The following DENND1B variants were observed in gnomAD, a reference collection of about 807,000 sequenced individuals.
DENND1B encodes the protein DENN domain containing 1B.
Under a neutral mutation model 90.1 loss-of-function variants are expected in DENND1B, and 59 were observed. The ratio of observed to expected loss-of-function variants is 0.65; its 90% CI spans 0.53 to 0.81. The LOEUF (loss-of-function observed/expected upper bound fraction) is 0.81, where lower values mean the gene tolerates loss of function less well. Ranked by LOEUF, DENND1B falls within the 40% of genes least tolerant of loss-of-function variation. DENND1B has a pLI of 0.00. For synonymous variants in DENND1B, 337 were observed against 324.6 expected (o/e 1.04, Z -0.41); for missense variants, 862 against 912.6 (o/e 0.94, Z 0.71).
At chr1:197,534,570 T>A (rs1669741599) in intron 20 of DENND1B, among the ~76,000 whole-genome samples, 1 of 152,188 alleles carries the variant, frequency 6.6e-6, no homozygotes, top group South Asian at 2.1e-4. Flanking sequence ...TAGCTGTGCT[T>A]TTCTCTTCTT....
intron 2 of DENND1B, among the ~76,000 whole-genome samples, chr1:197,745,747 C>A (rs1358342354): frequency 6.6e-6 from 1 of 151,154 alleles, no homozygotes; most frequent in Admixed American, 6.6e-5. Flanking sequence ...TAAGAACCAT[C>A]CCATAATTTA....
At chr1:197,516,831 A>G (rs1460703809) in intron 20 of DENND1B, among the ~76,000 whole-genome samples, 1 of 151,846 alleles carries the variant, frequency 6.6e-6, no homozygotes, top group Non-Finnish European at 1.5e-5. Flanking sequence ...GTAAATGACT[A>G]TGATAGAGAA....
chr1:197,563,902 T>G (rs1219726464), intron 15 of DENND1B, among the ~76,000 whole-genome samples: 1 of 151,874 alleles, frequency 6.6e-6, no homozygotes, highest in East Asian at 1.9e-4. Flanking sequence ...ATGGATGACT[T>G]TAAGGGGTCC....
At chr1:197,663,313 T>C (rs1176453380) in intron 5 of DENND1B, among the ~76,000 whole-genome samples, 1 of 152,146 alleles carries the variant, frequency 6.6e-6, no homozygotes, top group Non-Finnish European at 1.5e-5. Context: ...CTCTCAGTGA[T>C]AACTTTCTCC....
chr1:197,655,889 C>A (rs1288060171), intron 6 of DENND1B, among the ~76,000 whole-genome samples: 1 of 152,084 alleles, frequency 6.6e-6, no homozygotes, highest in Non-Finnish European at 1.5e-5. Flanking sequence ...GGTCTGTAAT[C>A]TATCACAACT....
intron 3 of DENND1B, among the ~76,000 whole-genome samples, chr1:197,698,387 C>G (rs1319557579): frequency 6.6e-6 from 1 of 151,924 alleles, no homozygotes; most frequent in Non-Finnish European, 1.5e-5. Context: ...GACAACATAC[C>G]AGAATCTCTG....
intron 15 of DENND1B, among the ~76,000 whole-genome samples, chr1:197,565,401 A>G (rs1213589055): frequency 6.6e-6 from 1 of 152,060 alleles, no homozygotes; most frequent in Non-Finnish European, 1.5e-5. Flanking sequence ...TGTGACTCCA[A>G]GTTTAAAATT....
chr1:197,690,586 G>C (rs1048179768), intron 3 of DENND1B: 1 of 241,450 alleles, frequency 4.1e-6, no homozygotes, highest in Non-Finnish European at 8.1e-6. Context: ...AGGGCTGCTA[G>C]AGTTGGGAAG....
intron 2 of DENND1B, among the ~76,000 whole-genome samples, chr1:197,760,641 CAAAA>C (rs1265014598): frequency 2.8e-5 from 2 of 72,226 alleles, no homozygotes; most frequent in Non-Finnish European, 5.9e-5. Context: ...GACCTTGTCT[CAAAA>C]AAAAAAAAAA....
At chr1:197,665,910 T>C (rs1654893999) in intron 5 of DENND1B, among the ~76,000 whole-genome samples, 1 of 152,092 alleles carries the variant, frequency 6.6e-6, no homozygotes, top group African/African-American at 2.4e-5. Context: ...TGTCCAAGAA[T>C]CTTAATTCCT....
rs559228689 is a variant in DENND1B at position 197,755,267 on chromosome 1, T to C, written c.82+17601A>G. Among the ~76,000 whole-genome samples, 5 of 152,206 alleles carry C rather than the reference T, an allele frequency of 3.3e-5. No individual in the cohort carries two copies. In the South Asian group the frequency reaches 1.0e-3, roughly 32 times the overall value. Reference sequence around the variant, plus strand: ...TGCTCCAGTTTCCTCAAACATAAAATAGGAATACGAGTATATAGCCTACCA... The same window carrying C: ...TGCTCCAGTTTCCTCAAACATAAAACAGGAATACGAGTATATAGCCTACCA... On this transcript the variant is annotated intron_variant, in intron 2 of 22. Transcript: ENST00000620048.
chr1:197,678,833 C>T (rs1656354760), intron 3 of DENND1B, among the ~76,000 whole-genome samples: 1 of 152,078 alleles, frequency 6.6e-6, no homozygotes, highest in Non-Finnish European at 1.5e-5. Flanking sequence ...TGATGGTTTC[C>T]AGCTTCATCC....
At chr1:197,665,725 CAA>C (rs140639394) in intron 5 of DENND1B, among the ~76,000 whole-genome samples, 1,746 of 152,152 alleles carry the variant, frequency 0.011, 51 homozygotes, top group Admixed American at 0.063. Flanking sequence ...AACAAAAGCT[CAA>C]GAGACATTCA....
In DENND1B at chr1:197,697,237, C is replaced by G. The variant is rs775961183; in HGVS notation, c.126+17794G>C. ...CAATGAATCCTGTGAACTATCATGT[C>G]ACTGATAGCAGGGGATTTTTTTTTA... On this transcript the variant is annotated intron_variant, in intron 3 of 22. Transcript: ENST00000620048. 2.6e-5 allele frequency among the ~76,000 whole-genome samples: 4 copies of G among 151,728 alleles called. No homozygotes were observed. In the South Asian group the frequency reaches 8.3e-4, roughly 32 times the overall value.
intron 15 of DENND1B, among the ~76,000 whole-genome samples, chr1:197,564,585 G>A (rs1257596729): frequency 6.6e-6 from 1 of 151,816 alleles, no homozygotes; most frequent in Non-Finnish European, 1.5e-5. Context: ...AAAACTTTGT[G>A]TAATTCACTT....
At chr1:197,748,195 T>A (rs1652960350) in intron 2 of DENND1B, among the ~76,000 whole-genome samples, 1 of 138,086 alleles carries the variant, frequency 7.2e-6, no homozygotes. Context: ...CGGTCAATAA[T>A]ATGATATCCA....
chr1:197,650,937 G>T (rs1398514151), intron 7 of DENND1B, among the ~76,000 whole-genome samples: 1 of 151,962 alleles, frequency 6.6e-6, no homozygotes, highest in African/African-American at 2.4e-5. Flanking sequence ...AGAGTGATGG[G>T]TGCACCAAAA....
chr1:197,595,060 A>C (rs1675562170), intron 14 of DENND1B, 148 bp downstream of exon 14: 1 of 1,093,640 alleles, frequency 9.1e-7, no homozygotes, highest in South Asian at 1.8e-5. Flanking sequence ...GATGAAATGT[A>C]TGTTTTGAAA....
intron 3 of DENND1B, chr1:197,688,939 G>T: frequency 4.6e-6 from 1 of 215,402 alleles, no homozygotes; most frequent in South Asian, 8.2e-5. Context: ...CCTGGGTCTT[G>T]GATAAATTGA....
Sources: gnomAD v4.1 joint callset for allele counts (sites outside exome capture counted in the v4.1 genomes callset) on GRCh38, gnomAD v4.1.1 for gene constraint, MANE v1.5 for transcripts, NCBI Gene and HGNC (gene_info 2026-07-23, HGNC 2026-07-21) for gene names.